The following SPEM3 variants were observed in gnomAD, a reference collection of about 807,000 sequenced individuals.
The protein encoded by SPEM3 is SPEM family member 3.
rs1907867415 is a variant in SPEM3 at position 7,432,625 on chromosome 17, C to T, written c.3454C>T (p.His1152Tyr). The T allele has an allele frequency of 2.5e-6, 1 of 398,542 alleles. No individual in the cohort carries two copies. Among genetic ancestry groups the T allele is most frequent in the African/African-American group, 2.1e-5 (1 of 48,636 alleles). The allele number at this position is 398,542 out of a possible 1,614,324, so 24.7% of individuals were successfully genotyped here. ...HCPGPGTQAGHVVFDARQRRL... is the reference protein window; with the variant it reads ...HCPGPGTQAGYVVFDARQRRL... ...CCCTGGACCAGGCACCCAGGCAGGGCATGTGGTTTTTGATGCCCGTCAGAG... is the reference window on the plus strand; with the variant it reads ...CCCTGGACCAGGCACCCAGGCAGGGTATGTGGTTTTTGATGCCCGTCAGAG... Residue 1152 changes from histidine (H) to tyrosine (Y), a missense_variant, in exon 3 of 3, where the codon CAT (histidine) becomes TAT (tyrosine). By Grantham distance (83) the His-to-Tyr change is moderately conservative (BLOSUM62 2). Transcript: ENST00000636696. This position sits in a 1 kb window ranked among gnomAD's most constrained non-coding sequence, Gnocchi z 4.1.
In SPEM3 at chr17:7,429,901, C is replaced by A. The variant is rs923110053; in HGVS notation, c.730C>A (p.His244Asn). 2 of 413,790 alleles carry A rather than the reference C, an allele frequency of 4.8e-6. No homozygotes were observed. Among genetic ancestry groups the A allele is most frequent in the Admixed American group, 8.7e-5 (2 of 22,906 alleles). The allele number at this position is 413,790 out of a possible 1,614,324, so 25.6% of individuals were successfully genotyped here. A position where few individuals can be genotyped will look rare whatever the true frequency, so the allele number is the denominator to read the frequency against. ...AVHTPAHSWTHSKARTPEGTH... is the reference protein window; with the variant it reads ...AVHTPAHSWTNSKARTPEGTH... ...GCACACCCCTGCCCACTCCTGGACC[C>A]ACTCCAAAGCCCGCACCCCTGAGGG... The change falls in exon 3 of 3, where the codon CAC becomes AAC. Residue 244 changes from histidine to asparagine, a missense_variant. Coordinates refer to ENST00000636696, the MANE Select transcript of SPEM3 (RefSeq NM_001364708.1). This position sits in a 1 kb window ranked among gnomAD's most constrained non-coding sequence, Gnocchi z 4.9.
In SPEM3 at chr17:7,430,680, T is replaced by C; in HGVS notation, c.1509T>C (p.Asp503=). 1 of 398,648 alleles carries C rather than the reference T, an allele frequency of 2.5e-6. No individual in the cohort carries two copies. 24.7% of individuals were successfully genotyped at this position (398,648 alleles called of 1,614,324 possible). Residue 503 remains aspartate (D), a synonymous_variant, in exon 3 of 3, where the codon GAT becomes GAC. Transcript: ENST00000636696. ...ISEQTKQCSG[D]SAKLPAGSIL... The stretch of plus-strand genomic sequence containing the variant: ...AGCAAACAAAGCAATGCAGTGGGGA[T>C]AGTGCCAAGCTTCCTGCAGGATCCA...
rs1000353858 is a variant in SPEM3 at position 7,432,198 on chromosome 17, G to A, written c.3027G>A (p.Lys1009=). 10 of 398,534 alleles carry A rather than the reference G, an allele frequency of 2.5e-5. No homozygotes were observed. The highest frequency in any genetic ancestry group is 2.1e-4 in the African/African-American group (10 of 48,592). 24.7% of individuals were successfully genotyped at this position (398,534 alleles called of 1,614,324 possible). The stretch of plus-strand genomic sequence containing the variant: ...TTACCCAGGAATCTGGCCCCTACAA[G>A]AGCTCATGCCTCATCCCAGATCCCA... ...SGLTQESGPY[K]SSCLIPDPSL... is the part of the protein sequence containing the mutation. Residue 1009 remains lysine, a synonymous_variant, in exon 3 of 3, where the codon AAG becomes AAA. Coordinates refer to ENST00000636696, the MANE Select transcript of SPEM3 (RefSeq NM_001364708.1). This position sits in a 1 kb window ranked among gnomAD's most constrained non-coding sequence, Gnocchi z 4.1.
rs375018329 is a variant in SPEM3, at chr17:7,429,217, C to A, written c.166C>A (p.Arg56=). ...CTGGAAGCATCTGAAGAGCTCCTTG[C>A]GGATTCTTTTCCGTCATTTTTTCCC... The part of the protein sequence containing the change: ...LLWKHLKSSL[R]ILFRHFFPKD... Residue 56 remains arginine, a synonymous_variant, in exon 2 of 3, where the codon CGG becomes AGG. Transcript: ENST00000636696. This position sits in a 1 kb window ranked among gnomAD's most constrained non-coding sequence, Gnocchi z 4.9. 1.5e-5 allele frequency: 6 copies of A among 398,462 alleles called. No homozygotes were observed. Among genetic ancestry groups the A allele is most frequent in the East Asian group, 3.6e-5 (1 of 28,076 alleles). 24.7% of individuals were successfully genotyped at this position (398,462 alleles called of 1,614,324 possible). A position where few individuals can be genotyped will look rare whatever the true frequency, so the allele number is the denominator to read the frequency against.
chr17:7,431,126 A>T lies in SPEM3; in HGVS notation c.1955A>T (p.Gln652Leu). ...PIPSLFATIS[Q>L]PLIQPQCPEC... is the part of the protein sequence containing the mutation. ...CCTTCCCTGTTCGCCACCATTTCCC[A>T]ACCCCTGATCCAACCCCAATGCCCT... is the stretch of plus-strand genomic sequence containing the variant. The change falls in exon 3 of 3, where the codon CAA becomes CTA. Residue 652 changes from glutamine to leucine, a missense_variant. Physicochemically the swap from Gln to Leu is moderately radical, Grantham distance 113. Coordinates refer to ENST00000636696, the MANE Select transcript of SPEM3 (RefSeq NM_001364708.1). 1 of 398,686 alleles carries T rather than the reference A, an allele frequency of 2.5e-6. No homozygotes were observed. The highest frequency in any genetic ancestry group is 4.4e-6 in the Non-Finnish European group (1 of 226,208). 24.7% of individuals were successfully genotyped at this position (398,686 alleles called of 1,614,324 possible).
Position 7,431,203 on chromosome 17 carries a change from C to T in SPEM3, c.2032C>T (p.Pro678Ser), listed in dbSNP as rs1907822082. ...LTQDSGLQRT[P>S]GPSKDSRVPR... ...CCAAGATTCTGGCCTTCAAAGGACC[C>T]CAGGCCCTTCAAAAGACTCCAGAGT... Residue 678 changes from proline to serine, a missense_variant, in exon 3 of 3, where the codon CCA becomes TCA. Coordinates refer to ENST00000636696, the MANE Select transcript of SPEM3 (RefSeq NM_001364708.1). The T allele has an allele frequency of 7.5e-6, 3 of 398,514 alleles. No individual in the cohort carries two copies. The highest frequency in any genetic ancestry group is 1.3e-5 in the Non-Finnish European group (3 of 226,080). 24.7% of individuals were successfully genotyped at this position (398,514 alleles called of 1,614,324 possible). A position where few individuals can be genotyped will look rare whatever the true frequency, so the allele number is the denominator to read the frequency against.
Position 7,430,972 on chromosome 17 carries a change from G to A in SPEM3, c.1801G>A (p.Val601Ile), listed in dbSNP as rs563115089. ...ACCGTTCACTCTTTCCCTGCCTCTC[G>A]TTCCTCCCAGATCCTTTGTCCCTCC... The part of the protein sequence containing the change: ...PPPFTLSLPL[V>I]PPRSFVPPQP... The change falls in exon 3 of 3, where the codon GTT (valine) becomes ATT (isoleucine). Residue 601 changes from valine (V) to isoleucine (I), a missense_variant. Physicochemically the swap from Val to Ile is conservative, Grantham distance 29. Transcript: ENST00000636696. 9 of 398,794 alleles carry A rather than the reference G, an allele frequency of 2.3e-5. No individual in the cohort carries two copies. The highest frequency in any genetic ancestry group is 7.1e-5 in the East Asian group (2 of 28,080). The allele number at this position is 398,794 out of a possible 1,614,324, so 24.7% of individuals were successfully genotyped here. A position where few individuals can be genotyped will look rare whatever the true frequency, so the allele number is the denominator to read the frequency against.
In SPEM3 at chr17:7,430,971, C is replaced by T. The variant is rs1907813071; in HGVS notation, c.1800C>T (p.Leu600=). ...CACCGTTCACTCTTTCCCTGCCTCT[C>T]GTTCCTCCCAGATCCTTTGTCCCTC... The part of the protein sequence containing the change: ...LPPPFTLSLP[L]VPPRSFVPPQ... Residue 600 remains leucine (L), a synonymous_variant, in exon 3 of 3, where the codon CTC becomes CTT. Coordinates refer to ENST00000636696, the MANE Select transcript of SPEM3 (RefSeq NM_001364708.1). The T allele has an allele frequency of 1.0e-5, 4 of 398,826 alleles. No homozygotes were observed. Among genetic ancestry groups the T allele is most frequent in the South Asian group, 2.5e-4 (2 of 7,862 alleles). The allele number at this position is 398,826 out of a possible 1,614,324, so 24.7% of individuals were successfully genotyped here.
chr17:7,429,689 C>A lies in SPEM3; in HGVS notation c.518C>A (p.Ser173Tyr). Reference sequence around the variant, plus strand: ...TCCTTGCTCTCCAGGCCAGAGACATCTTCCCAGTTCCCAAAGATGAGCAAG... The same window carrying A: ...TCCTTGCTCTCCAGGCCAGAGACATATTCCCAGTTCCCAAAGATGAGCAAG... ...QASLLSRPETSSQFPKMSKLD... is the reference protein window; with the variant it reads ...QASLLSRPETYSQFPKMSKLD... Residue 173 changes from serine to tyrosine, a missense_variant, in exon 3 of 3, where the codon TCT (serine) becomes TAT (tyrosine). Ser to Tyr is a moderately radical substitution (Grantham distance 144, BLOSUM62 -2). Transcript: ENST00000636696. The surrounding 1 kb of genome is among the most constrained non-coding windows in gnomAD (Gnocchi z 4.9). The A allele has an allele frequency of 2.5e-6, 1 of 399,196 alleles. No homozygotes were observed. The allele number at this position is 399,196 out of a possible 1,614,324, so 24.7% of individuals were successfully genotyped here.
Position 7,431,669 on chromosome 17 carries a change from A to G in SPEM3, c.2498A>G (p.Asn833Ser), listed in dbSNP as rs955559560. The G allele has an allele frequency of 2.5e-6, 1 of 398,482 alleles. No individual in the cohort carries two copies. Among genetic ancestry groups the G allele is most frequent in the Non-Finnish European group, 4.4e-6 (1 of 226,062 alleles). The allele number at this position is 398,482 out of a possible 1,614,324, so 24.7% of individuals were successfully genotyped here. A position where few individuals can be genotyped will look rare whatever the true frequency, so the allele number is the denominator to read the frequency against. Reference sequence around the variant, plus strand: ...TCCCAAGCAACTGACCACCAAAAGAACCTAGGCTCTTCTAAAGATTCTGGA... The same window carrying G: ...TCCCAAGCAACTGACCACCAAAAGAGCCTAGGCTCTTCTAAAGATTCTGGA... ...DLSQATDHQKNLGSSKDSGGH... is the reference protein window; with the variant it reads ...DLSQATDHQKSLGSSKDSGGH... The change falls in exon 3 of 3, where the codon AAC (asparagine) becomes AGC (serine). Residue 833 changes from asparagine (N) to serine (S), a missense_variant. By Grantham distance (46) the Asn-to-Ser change is conservative (BLOSUM62 1). Transcript: ENST00000636696.
rs951575602 is a variant in SPEM3 at position 7,432,534 on chromosome 17, T to A, written c.3363T>A (p.Val1121=). ...QHGAYRPVDT[V]PSGYQNYRQM... is the part of the protein sequence containing the mutation. ...GGGCGTACCGCCCTGTGGATACAGT[T>A]CCTTCAGGCTACCAGAACTATCGTC... Residue 1121 remains valine, a synonymous_variant, in exon 3 of 3, where the codon GTT becomes GTA. Coordinates refer to ENST00000636696, the MANE Select transcript of SPEM3 (RefSeq NM_001364708.1). The surrounding 1 kb of genome is among the most constrained non-coding windows in gnomAD (Gnocchi z 4.1). 5 of 398,678 alleles carry A rather than the reference T, an allele frequency of 1.3e-5. No homozygotes were observed. Among genetic ancestry groups the A allele is most frequent in the Admixed American group, 4.4e-5 (1 of 22,740 alleles). The allele number at this position is 398,678 out of a possible 1,614,324, so 24.7% of individuals were successfully genotyped here.
chr17:7,430,066 C>T lies in SPEM3; in HGVS notation c.895C>T (p.His299Tyr). 2.4e-6 allele frequency: 1 copy of T among 413,990 alleles called. No individual in the cohort carries two copies. Among genetic ancestry groups the T allele is most frequent in the Non-Finnish European group, 4.2e-6 (1 of 235,328 alleles). 25.6% of individuals were successfully genotyped at this position (413,990 alleles called of 1,614,324 possible). Residue 299 changes from histidine to tyrosine, a missense_variant, in exon 3 of 3, where the codon CAT becomes TAT. His to Tyr is a moderately conservative substitution (Grantham distance 83, BLOSUM62 2). Coordinates refer to ENST00000636696, the MANE Select transcript of SPEM3 (RefSeq NM_001364708.1). ...CAAGGCCTCAGCTCACACTAAAGCC[C>T]ATACGTCAGCCCAGGCCCAAACCCA... ...PAKASAHTKAHTSAQAQTHSP... is the reference protein window; with the variant it reads ...PAKASAHTKAYTSAQAQTHSP...
Position 7,430,930 on chromosome 17 carries a change from G to A in SPEM3, c.1759G>A (p.Val587Met), listed in dbSNP as rs150260708. The change falls in exon 3 of 3, where the codon GTG becomes ATG. Residue 587 changes from valine (V) to methionine (M), a missense_variant. By Grantham distance (21) the Val-to-Met change is conservative. Transcript: ENST00000636696. The part of the protein sequence containing the change: ...FHSATTAQSS[V>M]CTLPPPFTLS... ...TTCTGCAACCACTGCCCAGAGCTCA[G>A]TGTGCACCCTTCCTCCACCGTTCAC... The A allele has an allele frequency of 5.3e-5, 21 of 398,578 alleles. No individual in the cohort carries two copies. Among genetic ancestry groups the A allele is most frequent in the African/African-American group, 4.1e-4 (20 of 48,662 alleles). 24.7% of individuals were successfully genotyped at this position (398,578 alleles called of 1,614,324 possible).
rs905375616 is a variant in SPEM3 at position 7,430,051 on chromosome 17, G to A, written c.880G>A (p.Ala294Thr). 2.7e-5 allele frequency: 11 copies of A among 411,030 alleles called. No homozygotes were observed. The highest frequency in any genetic ancestry group is 2.6e-4 in the Admixed American group (6 of 22,660). The allele number at this position is 411,030 out of a possible 1,614,324, so 25.5% of individuals were successfully genotyped here. The stretch of plus-strand genomic sequence containing the variant: ...AGCCCCTACACCGGCCAAGGCCTCA[G>A]CTCACACTAAAGCCCATACGTCAGC... The part of the protein sequence containing the change: ...TPAPTPAKAS[A>T]HTKAHTSAQA... The change falls in exon 3 of 3, where the codon GCT (alanine) becomes ACT (threonine). Residue 294 changes from alanine to threonine, a missense_variant. Coordinates refer to ENST00000636696, the MANE Select transcript of SPEM3 (RefSeq NM_001364708.1).
Position 7,431,777 on chromosome 17 carries a change from G to A in SPEM3, c.2606G>A (p.Gly869Asp), listed in dbSNP as rs1337935440. Reference protein sequence around the residue: ...GLTEDSGSQKGPYVPQDSEVN... With the variant: ...GLTEDSGSQKDPYVPQDSEVN... ...ACTGAAGATTCTGGATCACAGAAGG[G>A]TCCGTATGTTCCCCAAGACTCTGAA... The change falls in exon 3 of 3, where the codon GGT becomes GAT. Residue 869 changes from glycine (G) to aspartate (D), a missense_variant. By Grantham distance (94) the Gly-to-Asp change is moderately conservative (BLOSUM62 -1). Coordinates refer to ENST00000636696, the MANE Select transcript of SPEM3 (RefSeq NM_001364708.1). 2.5e-6 allele frequency: 1 copy of A among 398,578 alleles called. No individual in the cohort carries two copies. The highest frequency in any genetic ancestry group is 2.1e-5 in the African/African-American group (1 of 48,716). 24.7% of individuals were successfully genotyped at this position (398,578 alleles called of 1,614,324 possible).
In SPEM3 at chr17:7,432,774, G is replaced by T; in HGVS notation, c.*12G>T. On this transcript the variant is annotated 3_prime_UTR_variant, in exon 3 of 3. Coordinates refer to ENST00000636696, the MANE Select transcript of SPEM3 (RefSeq NM_001364708.1). The surrounding 1 kb of genome is among the most constrained non-coding windows in gnomAD (Gnocchi z 4.1). ...ATATCAGAATGTGATGAGAACCTTG[G>T]ACAAAGAGGGGACAAAAGTGCATCA... is the stretch of plus-strand genomic sequence containing the variant. 1 of 398,632 alleles carries T rather than the reference G, an allele frequency of 2.5e-6. No individual in the cohort carries two copies. Among genetic ancestry groups the T allele is most frequent in the South Asian group, 1.3e-4 (1 of 7,776 alleles). The allele number at this position is 398,632 out of a possible 1,614,324, so 24.7% of individuals were successfully genotyped here. A position where few individuals can be genotyped will look rare whatever the true frequency, so the allele number is the denominator to read the frequency against.
chr17:7,431,670 C>G lies in SPEM3; in HGVS notation c.2499C>G (p.Asn833Lys), dbSNP rs1314457216. 2 of 398,516 alleles carry G rather than the reference C, an allele frequency of 5.0e-6. No individual in the cohort carries two copies. Among genetic ancestry groups the G allele is most frequent in the African/African-American group, 4.1e-5 (2 of 48,616 alleles). 24.7% of individuals were successfully genotyped at this position (398,516 alleles called of 1,614,324 possible). ...DLSQATDHQK[N>K]LGSSKDSGGH... Reference sequence around the variant, plus strand: ...CCCAAGCAACTGACCACCAAAAGAACCTAGGCTCTTCTAAAGATTCTGGAG... The same window carrying G: ...CCCAAGCAACTGACCACCAAAAGAAGCTAGGCTCTTCTAAAGATTCTGGAG... Residue 833 changes from asparagine to lysine, a missense_variant, in exon 3 of 3, where the codon AAC (asparagine) becomes AAG (lysine). Coordinates refer to ENST00000636696, the MANE Select transcript of SPEM3 (RefSeq NM_001364708.1).
At position 7,429,432 on chromosome 17, in the gene SPEM3, C is replaced by T. The variant is rs1907754758; in HGVS notation, c.261C>T (p.Cys87=). Residue 87 remains cysteine (C), a synonymous_variant, in exon 3 of 3, where the codon TGC becomes TGT. Transcript: ENST00000636696. The surrounding 1 kb of genome is among the most constrained non-coding windows in gnomAD (Gnocchi z 4.9). ...ICSSVDPKNL[C]SKVSSRVHPR... ...CCTCCGTGGATCCCAAGAACCTGTG[C>T]TCAAAAGTCTCTTCCCGCGTCCATC... The T allele has an allele frequency of 2.5e-6, 1 of 398,638 alleles. No individual in the cohort carries two copies. 24.7% of individuals were successfully genotyped at this position (398,638 alleles called of 1,614,324 possible). A position where few individuals can be genotyped will look rare whatever the true frequency, so the allele number is the denominator to read the frequency against.
Position 7,430,843 on chromosome 17 carries a change from C to CCATT in SPEM3, c.1674_1677dup (p.Tyr560IlefsTer103), listed in dbSNP as rs1907809314. The CCATT allele has an allele frequency of 2.5e-6, 1 of 398,532 alleles. No individual in the cohort carries two copies. Among genetic ancestry groups the CCATT allele is most frequent in the African/African-American group, 2.1e-5 (1 of 48,600 alleles). The allele number at this position is 398,532 out of a possible 1,614,324, so 24.7% of individuals were successfully genotyped here. Reference sequence around the variant, plus strand: ...TGAGAAGAACACAGACTCCCAGGCTCCATTCTACCCCAAATTCCTTGCCTA... The same window carrying CCATT: ...TGAGAAGAACACAGACTCCCAGGCTCCATTCATTCTACCCCAAATTCCTTGCCTA... On this transcript the variant is annotated frameshift_variant, in exon 3 of 3. Coordinates refer to ENST00000636696, the MANE Select transcript of SPEM3 (RefSeq NM_001364708.1). LOFTEE classifies it low-confidence loss of function (END_TRUNC).
Sources: gnomAD v4.1 joint callset for allele counts on GRCh38, gnomAD v4.1.1 for gene constraint, Gnocchi (gnomAD v3.1) non-coding constraint, MANE v1.5 for transcripts, NCBI Gene and HGNC (gene_info 2026-07-23, HGNC 2026-07-21) for gene names.